Variants in TRAPPC12 observed in about 807,000 individuals in gnomAD.
TRAPPC12 encodes trafficking protein particle complex subunit 12.
A neutral mutation model predicts 69.2 loss-of-function variants in TRAPPC12; 61 were observed. The ratio of observed to expected loss-of-function variants is 0.88; its 90% CI spans 0.72 to 1.09. The LOEUF is 1.09. TRAPPC12 is among the 50% of genes least tolerant of loss of function. The probability of loss-of-function intolerance (pLI) is 0.00; values close to 1 mark genes in which losing one functional copy is unlikely to be tolerated. For missense variants in TRAPPC12, 1,101 were observed against 1,016.4 expected, an observed-to-expected ratio of 1.08 and a Z score of -1.13; for synonymous variants, 469 against 438.9, an observed-to-expected ratio of 1.07 and a Z score of -0.86.
chr2:3,449,491 TC>T (rs1480997387), intron 6 of TRAPPC12: 1 of 152,356 alleles, frequency 6.6e-6, no homozygotes, highest in African/African-American at 2.4e-5. Context: ...AGGTACATTT[TC>T]GTGCACTCCG....
At chr2:3,383,235 T>C (rs1660307007) in intron 1 of TRAPPC12, among the ~76,000 whole-genome samples, 1 of 152,220 alleles carries the variant, frequency 6.6e-6, no homozygotes, top group Non-Finnish European at 1.5e-5. Flanking sequence ...AGGTTTTTAA[T>C]GATAGAACTT....
chr2:3,446,705 C>G (rs147459779), intron 6 of TRAPPC12, among the ~76,000 whole-genome samples: 2 of 152,356 alleles, frequency 1.3e-5, no homozygotes, highest in East Asian at 3.9e-4. Flanking sequence ...TCCACGCTGT[C>G]CAGAACAGCT....
At chr2:3,389,391 T>A (rs946832374) in intron 2 of TRAPPC12, among the ~76,000 whole-genome samples, 1 of 152,192 alleles carries the variant, frequency 6.6e-6, no homozygotes, top group African/African-American at 2.4e-5. Flanking sequence ...CGGGGGCTGC[T>A]CCAACCGCCA....
chr2:3,399,929 G>A (rs561488640), intron 2 of TRAPPC12, among the ~76,000 whole-genome samples: 119 of 152,054 alleles, frequency 7.8e-4, no homozygotes, highest in Non-Finnish European at 1.1e-3. Flanking sequence ...CAGTCACTGC[G>A]TGCTCCCAGT....
At chr2:3,421,729 G>A (rs564727517) in intron 3 of TRAPPC12, 152 bp from the exon 4 acceptor site, 125 of 748,762 alleles carry the variant, frequency 1.7e-4, no homozygotes, top group Non-Finnish European at 2.5e-4. Context: ...CCTCCGTGCC[G>A]TCAGCACACT....
chr2:3,385,943 C>A (rs1042204238), intron 1 of TRAPPC12, among the ~76,000 whole-genome samples: 1 of 152,190 alleles, frequency 6.6e-6, no homozygotes, highest in Non-Finnish European at 1.5e-5. Context: ...GCAATTTGTT[C>A]TTCGGGCTCC....
rs184956144 is a variant in TRAPPC12 at position 3,388,142 on chromosome 2, C to T, written c.519C>T (p.Asp173=). ...FSQRAPPASG[D]GFEPQMVKSP... Reference sequence around the variant, plus strand: ...AGCGCGCGCCCCCAGCCTCCGGGGACGGCTTCGAGCCGCAGATGGTGAAGT... The same window carrying T: ...AGCGCGCGCCCCCAGCCTCCGGGGATGGCTTCGAGCCGCAGATGGTGAAGT... The change falls in exon 2 of 12, where the codon GAC becomes GAT. Residue 173 remains aspartate, a synonymous_variant. Coordinates refer to ENST00000324266, the MANE Select transcript of TRAPPC12 (RefSeq NM_016030.6). The T allele has an allele frequency of 1.9e-3, 3,013 of 1,598,910 alleles. 49 individuals are homozygous for T. In the African/African-American group the frequency reaches 0.033, roughly 18 times the overall value.
At chr2:3,456,033 G>C (rs1665130558) in intron 6 of TRAPPC12, 1 of 152,176 alleles carries the variant, frequency 6.6e-6, no homozygotes, top group African/African-American at 2.4e-5. Flanking sequence ...CTTTTTGTCA[G>C]TTTCTGTTCT....
intron 3 of TRAPPC12, among the ~76,000 whole-genome samples, chr2:3,404,048 A>G (rs1661594826): frequency 6.6e-6 from 1 of 152,208 alleles, no homozygotes; most frequent in South Asian, 2.1e-4. Flanking sequence ...GTGACACTTT[A>G]GAAGCTTTCC....
chr2:3,475,921 G>A (rs1366927850), intron 9 of TRAPPC12, among the ~76,000 whole-genome samples: 1 of 152,238 alleles, frequency 6.6e-6, no homozygotes, highest in African/African-American at 2.4e-5. Flanking sequence ...ATCTTGATCG[G>A]TCTTGATGAT....
chr2:3,388,246 C>A lies in TRAPPC12; in HGVS notation c.623C>A (p.Thr208Lys). ...GTGCAGCCCAGCCCCAGCCTCAGCA[C>A]GTTCTTCGGAGACACGGCCGCCAGC... is the stretch of plus-strand genomic sequence containing the variant. The part of the protein sequence containing the change: ...QVVQPSPSLS[T>K]FFGDTAASHS... The change falls in exon 2 of 12, where the codon ACG (threonine) becomes AAG (lysine). Residue 208 changes from threonine (T) to lysine (K), a missense_variant. Coordinates refer to ENST00000324266, the MANE Select transcript of TRAPPC12 (RefSeq NM_016030.6). The A allele has an allele frequency of 6.2e-7, 1 of 1,608,812 alleles. No homozygotes were observed. Among genetic ancestry groups the A allele is most frequent in the Non-Finnish European group, 8.5e-7 (1 of 1,177,836 alleles).
At chr2:3,461,959 G>A (rs937902834) in intron 8 of TRAPPC12, among the ~76,000 whole-genome samples, 2 of 152,240 alleles carry the variant, frequency 1.3e-5, no homozygotes, top group African/African-American at 2.4e-5. Context: ...ACCCCCACCT[G>A]GCGGTCTGGG....
At chr2:3,412,054 T>G (rs1184342265) in intron 3 of TRAPPC12, among the ~76,000 whole-genome samples, 1 of 152,226 alleles carries the variant, frequency 6.6e-6, no homozygotes, top group Admixed American at 6.5e-5. Context: ...TGTGGTTAAT[T>G]AAGCATTAGT....
chr2:3,477,794 A>C lies in TRAPPC12; in HGVS notation c.1876A>C (p.Ser626Arg). Residue 626 changes from serine (S) to arginine (R), a missense_variant and splice_region_variant, in exon 10 of 12, where the codon AGC (serine) becomes CGC (arginine). By Grantham distance (110) the Ser-to-Arg change is moderately radical (BLOSUM62 -1). Transcript: ENST00000324266. ...LQGKIMVLMNSAFLHLGQNNF... is the reference protein window; with the variant it reads ...LQGKIMVLMNRAFLHLGQNNF... ...GGGTAAAATCATGGTTTTGATGAAC[A>C]GGTAAATATTTTAAAACTAAATATA... The C allele has an allele frequency of 6.4e-7, 1 of 1,571,966 alleles. No individual in the cohort carries two copies. The highest frequency in any genetic ancestry group is 8.6e-7 in the Non-Finnish European group (1 of 1,156,344).
intron 8 of TRAPPC12, among the ~76,000 whole-genome samples, chr2:3,465,251 A>ATTT (rs1263770623): frequency 6.6e-6 from 1 of 152,246 alleles, no homozygotes; most frequent in Non-Finnish European, 1.5e-5. Context: ...TAACTTTGTC[A>ATTT]GGAAAGAGAG....
At chr2:3,396,216 T>C (rs755928110) in intron 2 of TRAPPC12, among the ~76,000 whole-genome samples, 110 of 151,614 alleles carry the variant, frequency 7.3e-4, no homozygotes, top group Non-Finnish European at 1.4e-3. Context: ...ATATTTACAG[T>C]ATGTAGAATT....
chr2:3,476,034 GTTTCT>G (rs563814696), intron 9 of TRAPPC12, among the ~76,000 whole-genome samples: 115 of 152,324 alleles, frequency 7.5e-4, no homozygotes, highest in African/African-American at 2.5e-3. Flanking sequence ...GCTGCCTTCG[GTTTCT>G]TTTTAGTCCG....
At chr2:3,456,625 C>G (rs1362194790) in intron 6 of TRAPPC12, 1 of 157,628 alleles carries the variant, frequency 6.3e-6, no homozygotes, top group African/African-American at 2.4e-5. Flanking sequence ...GTCACCCAGC[C>G]TGGAGTGCAG....
chr2:3,416,166 A>G (rs911929149), intron 3 of TRAPPC12, among the ~76,000 whole-genome samples: 6 of 151,884 alleles, frequency 4.0e-5, no homozygotes, highest in Non-Finnish European at 7.4e-5. Flanking sequence ...CTTAGGACAT[A>G]CCTCCTCTTA....
Sources: gnomAD v4.1 joint callset for allele counts (sites outside exome capture counted in the v4.1 genomes callset) on GRCh38, gnomAD v4.1.1 for gene constraint, MANE v1.5 for transcripts, NCBI Gene and HGNC (gene_info 2026-07-23, HGNC 2026-07-21) for gene names.